Variants in MKNK1 observed in about 807,000 individuals in gnomAD.
MKNK1 encodes the protein MAPK interacting serine/threonine kinase 1, also known as MAP kinase-interacting serine/threonine-protein kinase 1.
In MKNK1, 30 loss-of-function variants were observed where a neutral mutation model predicts 49.3. The observed-to-expected ratio is 0.61, with a 90% CI of 0.46 to 0.83. The LOEUF is 0.83. Among genes scored for constraint, MKNK1 ranks in the 40% least tolerant of loss-of-function variants. The probability of loss-of-function intolerance (pLI) is 0.00; values close to 1 mark genes in which losing one functional copy is unlikely to be tolerated. For synonymous variants in MKNK1, 176 were observed against 201.7 expected (o/e 0.87, Z 1.08); for missense variants, 423 against 524.7 (o/e 0.81, Z 1.89).
At chr1:46,559,859 C>T (rs1667623430) in intron 12 of MKNK1, 1 of 297,776 alleles carries the variant, frequency 3.4e-6, no homozygotes, top group African/African-American at 2.1e-5. Flanking sequence ...CCGTCTAGTA[C>T]CGTACGTGCC....
chr1:46,596,617 T>C (rs923083105), intron 1 of MKNK1, among the ~76,000 whole-genome samples: 3 of 152,180 alleles, frequency 2.0e-5, no homozygotes, highest in African/African-American at 7.2e-5. Context: ...GCCTTGGACA[T>C]AAAATTCAAA....
chr1:46,585,082 T>TC (rs1672318775), intron 2 of MKNK1, among the ~76,000 whole-genome samples: 1 of 151,204 alleles, frequency 6.6e-6, no homozygotes, highest in Admixed American at 6.6e-5. Context: ...GAAACCTGTC[T>TC]CTACTAAAAA....
rs1412384392 is a variant in MKNK1, at chr1:46,560,283, A to C, written c.970-6T>G. 1.2e-6 allele frequency: 2 copies of C among 1,614,120 alleles called. No homozygotes were observed. Among genetic ancestry groups the C allele is most frequent in the South Asian group, 2.2e-5 (2 of 91,076 alleles). On this transcript the variant is annotated splice_polypyrimidine_tract_variant and splice_region_variant and intron_variant, in intron 11 of 12. Transcript: ENST00000371945. ...AGTCCCTTTTCTGGAGCTTGCTAGA[A>C]TGGGAAGGACAGATGTGTAGGTAAA...
chr1:46,575,858 A>G (rs1012361199), intron 5 of MKNK1: 8 of 152,244 alleles, frequency 5.3e-5, no homozygotes, highest in African/African-American at 1.9e-4. Flanking sequence ...GATGGGCAAA[A>G]TGGCCTAATT....
intron 1 of MKNK1, among the ~76,000 whole-genome samples, chr1:46,603,589 G>C (rs980045478): frequency 6.6e-6 from 1 of 152,134 alleles, no homozygotes; most frequent in Non-Finnish European, 1.5e-5. Flanking sequence ...CAGCTAAGAG[G>C]TGGAAGAGAT....
chr1:46,564,665 G>C lies in MKNK1; in HGVS notation c.609+376C>G, dbSNP rs185546395. Among the ~76,000 whole-genome samples the C allele has an allele frequency of 2.5e-3, 377 of 151,950 alleles. 2 individuals carry two copies. The highest frequency in any genetic ancestry group is 4.8e-3 in the Admixed American group (73 of 15,270). On this transcript the variant is annotated intron_variant, in intron 9 of 12. Transcript: ENST00000371945. The stretch of plus-strand genomic sequence containing the variant: ...CTAATTTTGTATTTTCAGTACAATG[G>C]GGTTTCTCCATGTTGGTCAGGCTGG...
chr1:46,591,561 G>A (rs570804330), intron 2 of MKNK1, among the ~76,000 whole-genome samples: 32 of 152,142 alleles, frequency 2.1e-4, no homozygotes, highest in Non-Finnish European at 3.7e-4. Context: ...GCAAGCAGGA[G>A]GAAAGGGCTG....
At chr1:46,593,105 A>C (rs563459499) in intron 2 of MKNK1, among the ~76,000 whole-genome samples, 11 of 152,334 alleles carry the variant, frequency 7.2e-5, no homozygotes, top group African/African-American at 2.6e-4. Context: ...CCCAGGCATG[A>C]CAAAACCTCT....
At position 46,561,607 on chromosome 1, in the gene MKNK1, A is replaced by T. The variant is rs1231205245; in HGVS notation, c.840T>A (p.Tyr280Ter). 2 of 1,614,052 alleles carry T rather than the reference A, an allele frequency of 1.2e-6. No homozygotes were observed. The highest frequency in any genetic ancestry group is 1.7e-6 in the Non-Finnish European group (2 of 1,180,018). Residue 280 changes from tyrosine to a stop codon, truncating the protein, a stop_gained, in exon 11 of 13, where the codon TAT becomes TAA. Transcript: ENST00000371945. LOFTEE classifies it high-confidence loss of function. ...GTGCCCAGTCCTTGTCAGGAAACTC[A>T]TACTTGCCTTCCTGGATGCTTTCAA... The part of the protein sequence containing the change: ...KLFESIQEGK[Y>*]EFPDKDWAHI...
intron 2 of MKNK1, among the ~76,000 whole-genome samples, chr1:46,586,533 G>T (rs1261046376): frequency 2.0e-5 from 3 of 152,142 alleles, no homozygotes; most frequent in African/African-American, 7.2e-5. Flanking sequence ...TTCTCCTACA[G>T]ATCATGGCAC....
intron 6 of MKNK1, 137 bp downstream of exon 6, chr1:46,574,810 C>A: frequency 1.7e-6 from 1 of 603,246 alleles, no homozygotes; most frequent in Non-Finnish European, 3.0e-6. Context: ...CTCCCTTCTC[C>A]CAAATCAAGG....
chr1:46,582,918 T>C (rs1056561730), intron 3 of MKNK1: 3 of 540,660 alleles, frequency 5.5e-6, no homozygotes, highest in Non-Finnish European at 1.1e-5. Flanking sequence ...GAGGGAAGAA[T>C]CACATCTGAA....
At chr1:46,562,255 C>A (rs749943926) in intron 10 of MKNK1, among the ~76,000 whole-genome samples, 8 of 151,928 alleles carry the variant, frequency 5.3e-5, no homozygotes, top group Admixed American at 5.2e-4. Flanking sequence ...ATTAGCCAGA[C>A]GTGGTGGCCG....
rs1673049703 is a variant in MKNK1, at chr1:46,589,476, A to G, written c.-3+4637T>C. On this transcript the variant is annotated intron_variant, in intron 2 of 12. Coordinates refer to ENST00000371945, the MANE Select transcript of MKNK1 (RefSeq NM_001135553.4). The surrounding 1 kb of genome is among the most constrained non-coding windows in gnomAD (Gnocchi z 4.3). ...ATGACATTAGCTCACAAGCAGTCTC[A>G]TCGTCATCGATGATAATAAATGTCT... Among the ~76,000 whole-genome samples the G allele has an allele frequency of 6.6e-6, 1 of 152,196 alleles. No homozygotes were observed. The highest frequency in any genetic ancestry group is 6.5e-5 in the Admixed American group (1 of 15,276).
intron 3 of MKNK1, among the ~76,000 whole-genome samples, chr1:46,581,768 C>T (rs1671786653): frequency 6.6e-6 from 1 of 152,090 alleles, no homozygotes. Flanking sequence ...ATGCAAAGGA[C>T]ACCTTGAGGT....
At chr1:46,573,796 C>T (rs987918720) in intron 6 of MKNK1, 4 of 148,774 alleles carry the variant, frequency 2.7e-5, no homozygotes, top group South Asian at 2.1e-4. Flanking sequence ...TGTAGTGGTG[C>T]GATCTCGGCT....
chr1:46,580,830 C>T (rs1348966434), intron 3 of MKNK1, among the ~76,000 whole-genome samples: 1 of 152,164 alleles, frequency 6.6e-6, no homozygotes, highest in Non-Finnish European at 1.5e-5. Context: ...TACAAGGCAT[C>T]CTGTTCCTCA....
At chr1:46,561,242 A>G (rs1358662246) in intron 11 of MKNK1, among the ~76,000 whole-genome samples, 1 of 152,068 alleles carries the variant, frequency 6.6e-6, no homozygotes, top group Non-Finnish European at 1.5e-5. Flanking sequence ...TCCCCAGAGG[A>G]CTCTGTTGGG....
intron 12 of MKNK1, 83 bp from the exon 13 acceptor site, chr1:46,558,883 G>T: frequency 1.7e-6 from 2 of 1,200,316 alleles, no homozygotes; most frequent in Non-Finnish European, 2.4e-6. Context: ...CCCACTTGCT[G>T]CTGTGGCTCT....
Sources: allele counts gnomAD v4.1 joint callset (sites outside exome capture counted in the v4.1 genomes callset), GRCh38; gene constraint gnomAD v4.1.1; non-coding constraint Gnocchi (gnomAD v3.1); transcripts MANE v1.5; gene names NCBI Gene and HGNC (gene_info 2026-07-23, HGNC 2026-07-21).